The following DNAH14 variants were observed in gnomAD, a reference collection of about 807,000 sequenced individuals.
The protein encoded by DNAH14 is axonemal beta dynein heavy chain 14.
A neutral mutation model predicts 520.9 loss-of-function variants in DNAH14; 478 were observed. That is an observed-to-expected ratio of 0.92 (90% CI 0.85 to 0.99). The LOEUF is 0.99. Ranked by LOEUF, DNAH14 falls within the 50% of genes least tolerant of loss-of-function variation. DNAH14 has a pLI of 0.00. For missense variants in DNAH14, 4,831 were observed against 5,234.5 expected, an observed-to-expected ratio of 0.92 and a Z score of 2.38; for synonymous variants, 1,581 against 1,757.2, an observed-to-expected ratio of 0.90 and a Z score of 2.51.
intron 61 of DNAH14, among the ~76,000 whole-genome samples, chr1:225,319,323 T>C (rs1050207972): frequency 6.6e-6 from 1 of 152,160 alleles, no homozygotes; most frequent in Non-Finnish European, 1.5e-5. Flanking sequence ...TAGTGCTAAT[T>C]TGAATCTTTG....
intron 1 of DNAH14, among the ~76,000 whole-genome samples, chr1:224,946,869 C>T (rs2059871864): frequency 6.9e-6 from 1 of 144,386 alleles, no homozygotes; most frequent in Non-Finnish European, 1.5e-5. Context: ...GATTATTTTT[C>T]CAACTGATTT....
At chr1:225,171,851 G>A (rs527798113) in intron 36 of DNAH14, among the ~76,000 whole-genome samples, 60 of 151,594 alleles carry the variant, frequency 4.0e-4, no homozygotes, top group Non-Finnish European at 6.8e-4. Flanking sequence ...GATGAACATC[G>A]ATGCAAAAAT....
intron 3 of DNAH14, 96 bp from the exon 4 acceptor site, chr1:224,960,057 A>T: frequency 1.6e-6 from 2 of 1,253,306 alleles, no homozygotes; most frequent in Non-Finnish European, 2.1e-6. Context: ...ATACTGCCTT[A>T]TATAATCATT....
chr1:225,201,186 A>C (rs996732050), intron 38 of DNAH14, among the ~76,000 whole-genome samples: 1 of 151,932 alleles, frequency 6.6e-6, no homozygotes, highest in Admixed American at 6.6e-5. Context: ...TTGCATTTCT[A>C]TAAGTGCATC....
At chr1:225,271,117 A>C (rs2093304317) in intron 50 of DNAH14, among the ~76,000 whole-genome samples, 1 of 152,182 alleles carries the variant, frequency 6.6e-6, no homozygotes, top group African/African-American at 2.4e-5. Flanking sequence ...TTATCCTCAG[A>C]GATTCTGATC....
chr1:225,344,576 T>C (rs1460092986), intron 69 of DNAH14, among the ~76,000 whole-genome samples: 1 of 152,340 alleles, frequency 6.6e-6, no homozygotes, highest in Non-Finnish European at 1.5e-5. Context: ...TTTTTATGAC[T>C]GCATCGTATT....
chr1:225,341,756 T>C (rs1293613458), intron 69 of DNAH14, among the ~76,000 whole-genome samples: 1 of 152,234 alleles, frequency 6.6e-6, no homozygotes, highest in Non-Finnish European at 1.5e-5. Context: ...CCACAATCTT[T>C]ACTGCATCTA....
rs181608049 is a variant in DNAH14, at chr1:224,980,964, A to C, written c.830+6811A>C. On this transcript the variant is annotated intron_variant, in intron 8 of 85. Transcript: ENST00000682510. The stretch of plus-strand genomic sequence containing the variant: ...TGTAACAAACCTGCACGTTCTGCAC[A>C]TGTATCCCAGAACTTAAAGTATAAT... 2.5e-3 allele frequency among the ~76,000 whole-genome samples: 384 copies of C among 152,372 alleles called. 2 individuals carry two copies. Among genetic ancestry groups the C allele is most frequent in the Non-Finnish European group, 3.8e-3 (259 of 68,036 alleles).
At chr1:225,282,304 C>T (rs529360697) in intron 54 of DNAH14, among the ~76,000 whole-genome samples, 18 of 152,250 alleles carry the variant, frequency 1.2e-4, no homozygotes, top group Admixed American at 1.1e-3. Context: ...GTGGTCTGGG[C>T]CCCCAGCCAT....
At chr1:225,173,738 G>T (rs1268512766) in intron 36 of DNAH14, among the ~76,000 whole-genome samples, 2 of 152,184 alleles carry the variant, frequency 1.3e-5, no homozygotes, top group African/African-American at 4.8e-5. Flanking sequence ...AATACCATTT[G>T]ACCCAGCCAT....
At chr1:225,024,045 C>A in intron 11 of DNAH14, 180 bp downstream of exon 11, 1 of 1,313,512 alleles carries the variant, frequency 7.6e-7, no homozygotes, top group Non-Finnish European at 9.7e-7. Flanking sequence ...TACTTAATAT[C>A]GGTGCTATAG....
At chr1:225,177,627 A>G (rs754784775) in intron 36 of DNAH14, among the ~76,000 whole-genome samples, 2 of 152,136 alleles carry the variant, frequency 1.3e-5, no homozygotes, top group African/African-American at 2.4e-5. Context: ...AGCTCCGGCC[A>G]TGGCTTCAGA....
chr1:225,229,118 G>A (rs2090844953), intron 41 of DNAH14, among the ~76,000 whole-genome samples: 2 of 152,080 alleles, frequency 1.3e-5, no homozygotes, highest in South Asian at 4.1e-4. Flanking sequence ...TATGAGTGTA[G>A]CCGGCTTATC....
At chr1:224,991,449 A>G (rs535354266) in intron 8 of DNAH14, among the ~76,000 whole-genome samples, 7 of 151,300 alleles carry the variant, frequency 4.6e-5, no homozygotes, top group South Asian at 4.2e-4. Context: ...AGAAATGTCT[A>G]TTCAGGCCTT....
chr1:225,357,764 A>G (rs1448729711), intron 73 of DNAH14: 2 of 701,334 alleles, frequency 2.9e-6, no homozygotes, highest in Non-Finnish European at 2.6e-6. Context: ...GGTACATCAA[A>G]CAGGCACACT....
Position 225,377,435 on chromosome 1 carries a change from A to G in DNAH14, c.12715A>G (p.Arg4239Gly), listed in dbSNP as rs1390695106. 2.2e-5 allele frequency: 34 copies of G among 1,541,910 alleles called. No individual in the cohort carries two copies. The highest frequency in any genetic ancestry group is 2.6e-6 in the Non-Finnish European group (3 of 1,142,828). Residue 4239 changes from arginine to glycine, a missense_variant and splice_region_variant, in exon 79 of 86, where the codon AGA (arginine) becomes GGA (glycine). Transcript: ENST00000682510. ...PKTTTANLMI[R>G]PEQSKDELVM... ...AACTACCACTGCCAACCTCATGATC[A>G]GGTAAGAACTCGCTAGGAAAAATTG...
chr1:225,018,064 G>A lies in DNAH14; in HGVS notation c.1108-5551G>A, dbSNP rs545623623. On this transcript the variant is annotated intron_variant, in intron 10 of 85. Coordinates refer to ENST00000682510, the MANE Select transcript of DNAH14 (RefSeq NM_001367479.1). ...CTCTCCAGGAAAGGTTCTTAACCAC[G>A]TTGAAATTGCTGTAATGTCACACAT... is the stretch of plus-strand genomic sequence containing the variant. 1.1e-4 allele frequency among the ~76,000 whole-genome samples: 17 copies of A among 152,266 alleles called. No individual in the cohort carries two copies. In the East Asian group the frequency reaches 2.3e-3, roughly 21 times the overall value.
At chr1:225,348,745 A>C (rs1276968391) in intron 71 of DNAH14, among the ~76,000 whole-genome samples, 2 of 152,214 alleles carry the variant, frequency 1.3e-5, no homozygotes, top group African/African-American at 4.8e-5. Flanking sequence ...GTTGAAGCAA[A>C]AGGATAATAC....
At chr1:225,073,276 C>T (rs1173581389) in intron 17 of DNAH14, among the ~76,000 whole-genome samples, 1 of 152,066 alleles carries the variant, frequency 6.6e-6, no homozygotes, top group Non-Finnish European at 1.5e-5. Context: ...CTGGGGCTCT[C>T]TAAAGCCCGA....
Sources: allele counts gnomAD v4.1 joint callset (sites outside exome capture counted in the v4.1 genomes callset), GRCh38; gene constraint gnomAD v4.1.1; transcripts MANE v1.5; gene names NCBI Gene and HGNC (gene_info 2026-07-23, HGNC 2026-07-21).